Variants in ADAM10 observed in about 807,000 individuals in gnomAD.
ADAM10 encodes the protein disintegrin and metalloproteinase domain-containing protein 10.
In ADAM10, 17 loss-of-function variants were observed where a neutral mutation model predicts 90.1. The observed-to-expected ratio is 0.19, with a 90% CI of 0.13 to 0.28. The LOEUF (loss-of-function observed/expected upper bound fraction) is 0.28. ADAM10 is among the 10% of genes least tolerant of loss of function. The probability of loss-of-function intolerance (pLI) is 1.00; values close to 1 mark genes in which losing one functional copy is unlikely to be tolerated. For missense variants in ADAM10, 610 were observed against 914.3 expected, an observed-to-expected ratio of 0.67 and a Z score of 4.29; for synonymous variants, 310 against 298.6, an observed-to-expected ratio of 1.04 and a Z score of -0.40.
In ADAM10 at chr15:58,668,488, G is replaced by C. The variant is rs530510082; in HGVS notation, c.485-3291C>G. 2.0e-5 allele frequency among the ~76,000 whole-genome samples: 3 copies of C among 152,190 alleles called. No homozygotes were observed. In the South Asian group the frequency reaches 6.2e-4, roughly 32 times the overall value. On this transcript the variant is annotated intron_variant, in intron 4 of 15. Coordinates refer to ENST00000260408, the MANE Select transcript of ADAM10 (RefSeq NM_001110.4). ...GCTGTGACAACTGAAAAGAAATATT[G>C]TTGCAGCCAGAGTAATAGGGCTGAG...
intron 1 of ADAM10, among the ~76,000 whole-genome samples, chr15:58,745,445 A>G (rs1206788267): frequency 6.6e-6 from 1 of 152,212 alleles, no homozygotes. Flanking sequence ...CCATTTAGAT[A>G]AAGAAATGTG....
At chr15:58,615,910 A>C (rs1420827240) in intron 11 of ADAM10, among the ~76,000 whole-genome samples, 3 of 152,098 alleles carry the variant, frequency 2.0e-5, no homozygotes, top group African/African-American at 7.2e-5. Context: ...AGGGAGGCTG[A>C]GGCAGGAGAA....
intron 4 of ADAM10, among the ~76,000 whole-genome samples, chr15:58,675,609 C>T (rs1327997485): frequency 6.6e-6 from 1 of 152,132 alleles, no homozygotes; most frequent in African/African-American, 2.4e-5. Context: ...GTGTTTTTTA[C>T]TAAGTACAGA....
intron 11 of ADAM10, among the ~76,000 whole-genome samples, chr15:58,618,204 T>C (rs1895675465): frequency 6.7e-6 from 1 of 150,324 alleles, no homozygotes; most frequent in African/African-American, 2.5e-5. Flanking sequence ...GAATAGAGAA[T>C]TCAGAAATAA....
Position 58,643,889 on chromosome 15 carries a change from T to C in ADAM10, c.825A>G (p.Ile275Met), listed in dbSNP as rs1566977888. 6.2e-7 allele frequency: 1 copy of C among 1,608,356 alleles called. No homozygotes were observed. Residue 275 changes from isoleucine (I) to methionine (M), a missense_variant, in exon 7 of 16, where the codon ATA (isoleucine) becomes ATG (methionine). Ile to Met is a conservative substitution (Grantham distance 10). Transcript: ENST00000260408. ...IRNISFMVKR[I>M]RINTTADEKD... ...TTTAACTATTTAAGTTCCTTACTCT[T>C]ATGCGTTTCACCATGAAACTGATGT...
intron 1 of ADAM10, 143 bp downstream of exon 1, chr15:58,749,337 G>A (rs1449335763): frequency 3.6e-6 from 4 of 1,108,858 alleles, no homozygotes; most frequent in Non-Finnish European, 2.3e-6. Context: ...AATAGGGAGC[G>A]GGGAGCGCGG....
chr15:58,747,013 T>G (rs1282922577), intron 1 of ADAM10, among the ~76,000 whole-genome samples: 3 of 152,208 alleles, frequency 2.0e-5, no homozygotes, highest in Admixed American at 2.0e-4. Context: ...TGTACAAAGC[T>G]AAGCACTTAC....
Position 58,665,100 on chromosome 15 carries a change from T to G in ADAM10, c.582A>C (p.Thr194=), listed in dbSNP as rs1443027797. ...KYQMTGVEEV[T]QIPQEEHAAN... Reference sequence around the variant, plus strand: ...AAGCTAGTGTTAAAATCCTTACCTGTGTTACTTCCTCTACACCAGTCATCT... The same window carrying G: ...AAGCTAGTGTTAAAATCCTTACCTGGGTTACTTCCTCTACACCAGTCATCT... The change falls in exon 5 of 16, where the codon ACA becomes ACC. Residue 194 remains threonine (T), a synonymous_variant. Transcript: ENST00000260408. The G allele has an allele frequency of 6.2e-7, 1 of 1,604,250 alleles. No individual in the cohort carries two copies. The highest frequency in any genetic ancestry group is 2.2e-5 in the East Asian group (1 of 44,786).
intron 4 of ADAM10, among the ~76,000 whole-genome samples, chr15:58,668,437 T>A (rs1411480516): frequency 6.6e-6 from 1 of 152,144 alleles, no homozygotes; most frequent in East Asian, 1.9e-4. Flanking sequence ...AACATGCGAA[T>A]CTCTTTTCCT....
chr15:58,619,335 G>C (rs150626303), intron 11 of ADAM10, among the ~76,000 whole-genome samples: 1 of 152,192 alleles, frequency 6.6e-6, no homozygotes, highest in Non-Finnish European at 1.5e-5. Flanking sequence ...GAGAAGGGTA[G>C]TGGAGAGGTG....
Position 58,716,476 on chromosome 15 carries a change from T to C in ADAM10, c.206+1101A>G, listed in dbSNP as rs577177358. 7.2e-5 allele frequency among the ~76,000 whole-genome samples: 11 copies of C among 152,276 alleles called. No homozygotes were observed. The South Asian group carries it at 8.3e-4, about 11-fold the overall frequency. On this transcript the variant is annotated intron_variant, in intron 2 of 15. Coordinates refer to ENST00000260408, the MANE Select transcript of ADAM10 (RefSeq NM_001110.4). ...AAAGATGATCAGGATTTAGGACAAA[T>C]GACACAGAACAAAGTTTACATGGTA...
intron 2 of ADAM10, among the ~76,000 whole-genome samples, chr15:58,714,292 T>TAAACAC (rs146534670): frequency 7.0e-6 from 1 of 142,914 alleles, no homozygotes; most frequent in African/African-American, 2.6e-5. Flanking sequence ...TACATACACA[T>TAAACAC]ACACACACAC....
chr15:58,682,326 G>A lies in ADAM10; in HGVS notation c.207-12C>T, dbSNP rs199914781. Reference sequence around the variant, plus strand: ...GTAGGTTGAAATGTCTGTAAAATGGGATGGGAAGGGGGAACAACTGAAATT... The same window carrying A: ...GTAGGTTGAAATGTCTGTAAAATGGAATGGGAAGGGGGAACAACTGAAATT... On this transcript the variant is annotated splice_polypyrimidine_tract_variant and intron_variant, in intron 2 of 15. Transcript: ENST00000260408. 20 of 1,608,940 alleles carry A rather than the reference G, an allele frequency of 1.2e-5. No homozygotes were observed. The highest frequency in any genetic ancestry group is 1.7e-5 in the Non-Finnish European group (20 of 1,178,286).
chr15:58,688,786 A>ATATATATATATCTCTCTCTCTC, intron 2 of ADAM10, among the ~76,000 whole-genome samples: 9 of 122,378 alleles, frequency 7.4e-5, no homozygotes, highest in African/African-American at 3.2e-4. Flanking sequence ...ATATATATAT[A>ATATATATATATCTCTCTCTCTC]TCTCTCTCTC....
intron 8 of ADAM10, among the ~76,000 whole-genome samples, chr15:58,634,887 A>G (rs1896207722): frequency 6.6e-6 from 1 of 152,242 alleles, no homozygotes; most frequent in Admixed American, 6.5e-5. Flanking sequence ...TCTAGTATTT[A>G]GAATCCCTAA....
chr15:58,627,985 G>C, intron 9 of ADAM10, 102 bp from the exon 10 acceptor site: 1 of 1,167,610 alleles, frequency 8.6e-7, no homozygotes, highest in Non-Finnish European at 1.2e-6. Context: ...ATGGAAGCTT[G>C]TGGACTCTCC....
rs1391352488 is a variant in ADAM10, at chr15:58,592,673, G to C, written c.*4874C>G. 1 of 151,848 alleles carries C rather than the reference G, an allele frequency of 6.6e-6. No individual in the cohort carries two copies. Among genetic ancestry groups the C allele is most frequent in the Non-Finnish European group, 1.5e-5 (1 of 67,954 alleles). 9.4% of individuals were successfully genotyped at this position (151,848 alleles called of 1,614,324 possible). The stretch of plus-strand genomic sequence containing the variant: ...GTCTAAAGCTAATCAACTGAATTAA[G>C]CATGAGTCTTCTATTATTGTTTCTA... On this transcript the variant is annotated 3_prime_UTR_variant, in exon 16 of 16. Coordinates refer to ENST00000260408, the MANE Select transcript of ADAM10 (RefSeq NM_001110.4).
At chr15:58,700,867 A>C (rs1294555973) in intron 2 of ADAM10, among the ~76,000 whole-genome samples, 2 of 151,830 alleles carry the variant, frequency 1.3e-5, no homozygotes, top group Non-Finnish European at 2.9e-5. Context: ...TGTAAAAAAA[A>C]CAGCCCAGAG....
intron 3 of ADAM10, among the ~76,000 whole-genome samples, chr15:58,681,431 A>G (rs1897439480): frequency 6.6e-6 from 1 of 152,230 alleles, no homozygotes; most frequent in African/African-American, 2.4e-5. Context: ...TTAAGCATTT[A>G]ATTTTTCATG....
Sources: gnomAD v4.1 joint callset for allele counts (sites outside exome capture counted in the v4.1 genomes callset) on GRCh38, gnomAD v4.1.1 for gene constraint, MANE v1.5 for transcripts, NCBI Gene and HGNC (gene_info 2026-07-23, HGNC 2026-07-21) for gene names.